Variants in MAP3K14 observed in about 807,000 individuals in gnomAD.
The protein encoded by MAP3K14 is mitogen-activated protein kinase kinase kinase 14.
A neutral mutation model predicts 99.2 loss-of-function variants in MAP3K14; 16 were observed. The observed-to-expected ratio is 0.16, with a 90% confidence interval of 0.11 to 0.24. The LOEUF is 0.24. Ranked by LOEUF, MAP3K14 falls within the 10% of genes least tolerant of loss-of-function variation. The pLI is 1.00. For synonymous variants in MAP3K14, 462 were observed against 492.4 expected (o/e 0.94, Z 0.82); for missense variants, 784 against 1,208.7 (o/e 0.65, Z 5.21).
Position 45,263,931 on chromosome 17 carries a change from G to C in MAP3K14, c.*705C>G, listed in dbSNP as rs1186677401. The C allele has an allele frequency of 6.6e-6, 1 of 152,380 alleles. No homozygotes were observed. The highest frequency in any genetic ancestry group is 1.9e-4 in the East Asian group (1 of 5,210). 9.4% of individuals were successfully genotyped at this position (152,380 alleles called of 1,614,324 possible). A position where few individuals can be genotyped will look rare whatever the true frequency, so the allele number is the denominator to read the frequency against. ...GGAAGAGTGGTAGCCAGCAGCAAAG[G>C]GGCACATGTCTGGGGACTGAGAACC... is the stretch of plus-strand genomic sequence containing the variant. On this transcript the variant is annotated 3_prime_UTR_variant, in exon 16 of 16. Transcript: ENST00000344686.
At chr17:45,300,646 C>T (rs2044380225) in intron 1 of MAP3K14, among the ~76,000 whole-genome samples, 2 of 152,264 alleles carry the variant, frequency 1.3e-5, no homozygotes, top group South Asian at 4.1e-4. Context: ...GTACAACGGC[C>T]TCCTTTTCTG....
At chr17:45,312,823 A>G (rs2044493001) in intron 1 of MAP3K14, among the ~76,000 whole-genome samples, 1 of 152,204 alleles carries the variant, frequency 6.6e-6, no homozygotes, top group East Asian at 1.9e-4. Flanking sequence ...AAGGGTGGTG[A>G]GCTGGGGATG....
At chr17:45,274,672 G>A (rs1276604592) in intron 6 of MAP3K14, 79 bp from the exon 7 acceptor site, 2 of 1,532,290 alleles carry the variant, frequency 1.3e-6, no homozygotes, top group African/African-American at 1.4e-5. Flanking sequence ...CAGCACCCTA[G>A]TGCTCCACAC....
chr17:45,270,604 A>T (rs780133764), intron 10 of MAP3K14, 41 bp from the exon 11 acceptor site: 1 of 1,506,760 alleles, frequency 6.6e-7, no homozygotes, highest in Non-Finnish European at 8.8e-7. Context: ...GCCTTCCCTC[A>T]TTTCCTGATA....
intron 6 of MAP3K14, among the ~76,000 whole-genome samples, chr17:45,276,385 C>T (rs768365348): frequency 6.6e-6 from 1 of 152,190 alleles, no homozygotes; most frequent in Non-Finnish European, 1.5e-5. Context: ...GGTATCTGCT[C>T]CTGGGTAGAG....
In MAP3K14 at chr17:45,264,477, C is replaced by T; in HGVS notation, c.*159G>A. 1 of 856,616 alleles carries T rather than the reference C, an allele frequency of 1.2e-6. No individual in the cohort carries two copies. Among genetic ancestry groups the T allele is most frequent in the Non-Finnish European group, 1.7e-6 (1 of 577,936 alleles). The allele number at this position is 856,616 out of a possible 1,614,324, so 53.1% of individuals were successfully genotyped here. ...CAGGTGTGAAATCCTGGGAGGCATT[C>T]TGCTTGCCCCCACCTTGCTGCTGCG... On this transcript the variant is annotated 3_prime_UTR_variant, in exon 16 of 16. Transcript: ENST00000344686.
chr17:45,300,470 T>A (rs147749763), intron 1 of MAP3K14, among the ~76,000 whole-genome samples: 273 of 152,324 alleles, frequency 1.8e-3, no homozygotes, highest in African/African-American at 6.0e-3. Context: ...TCCCCAAACA[T>A]AGGGTTTGGC....
chr17:45,310,983 G>A (rs1011985596), intron 1 of MAP3K14, among the ~76,000 whole-genome samples: 7 of 152,198 alleles, frequency 4.6e-5, no homozygotes, highest in Admixed American at 2.0e-4. Flanking sequence ...ATAGGGTTGT[G>A]GTAGGGGAAT....
Position 45,265,276 on chromosome 17 carries a change from C to G in MAP3K14, c.2579-13G>C. 6.3e-7 allele frequency: 1 copy of G among 1,578,648 alleles called. No individual in the cohort carries two copies. ...TGGACTTTCACACCTAGAAGGCGGA[C>G]AAGGTGATAGTCAGGAGAGCGGCTG... On this transcript the variant is annotated splice_polypyrimidine_tract_variant and intron_variant, in intron 14 of 15. Transcript: ENST00000344686.
At chr17:45,304,708 A>G (rs1199111421) in intron 1 of MAP3K14, among the ~76,000 whole-genome samples, 2 of 152,240 alleles carry the variant, frequency 1.3e-5, no homozygotes, top group Non-Finnish European at 2.9e-5. Context: ...AGGATCAGAA[A>G]GACCCTCAGA....
chr17:45,301,451 G>A (rs929976461), intron 1 of MAP3K14, among the ~76,000 whole-genome samples: 3 of 150,582 alleles, frequency 2.0e-5, no homozygotes, highest in Admixed American at 6.6e-5. Flanking sequence ...CAACAAGAGC[G>A]AAACTCCATC....
chr17:45,310,360 ACATCCT>A (rs1280006010), intron 1 of MAP3K14, among the ~76,000 whole-genome samples: 1 of 152,118 alleles, frequency 6.6e-6, no homozygotes, highest in Non-Finnish European at 1.5e-5. Flanking sequence ...ACTGGCAACC[ACATCCT>A]CATTGGAGGC....
In MAP3K14 at chr17:45,310,515, T is replaced by A. The variant is rs75935305; in HGVS notation, c.-21+6445A>T. Reference sequence around the variant, plus strand: ...GGTGGTAGATTTTGGCTACAATAATTCTTTGCACTTACAGGGGCCACCATC... The same window carrying A: ...GGTGGTAGATTTTGGCTACAATAATACTTTGCACTTACAGGGGCCACCATC... On this transcript the variant is annotated intron_variant, in intron 1 of 15. Coordinates refer to ENST00000344686, the MANE Select transcript of MAP3K14 (RefSeq NM_003954.5). Among the ~76,000 whole-genome samples, 68 of 152,238 alleles carry A rather than the reference T, an allele frequency of 4.5e-4. 2 individuals carry two copies. In the East Asian group the frequency reaches 0.012, roughly 26 times the overall value.
intron 6 of MAP3K14, among the ~76,000 whole-genome samples, chr17:45,275,919 G>A (rs2044176854): frequency 6.6e-6 from 1 of 151,848 alleles, no homozygotes; most frequent in Non-Finnish European, 1.5e-5. Context: ...GCGCCACCAG[G>A]CCCAGATAAT....
chr17:45,269,184 A>C (rs2044123197), intron 11 of MAP3K14, among the ~76,000 whole-genome samples: 1 of 151,616 alleles, frequency 6.6e-6, no homozygotes, highest in African/African-American at 2.4e-5. Context: ...CTAATTTTTA[A>C]ATTTTTTTGC....
At chr17:45,270,905 T>C in intron 10 of MAP3K14, 153 bp downstream of exon 10, 2 of 1,101,280 alleles carry the variant, frequency 1.8e-6, no homozygotes, top group South Asian at 2.7e-5. Context: ...TACCCCCAGA[T>C]TTGGGTGGCA....
chr17:45,283,052 A>G lies in MAP3K14; in HGVS notation c.1290+1760T>C, dbSNP rs549681871. On this transcript the variant is annotated intron_variant, in intron 6 of 15. Coordinates refer to ENST00000344686, the MANE Select transcript of MAP3K14 (RefSeq NM_003954.5). Reference sequence around the variant, plus strand: ...CTTGGAGCTTTTCCAACTGCCTTGCAGTGGATGCGAGGGGCGAGACATGGA... The same window carrying G: ...CTTGGAGCTTTTCCAACTGCCTTGCGGTGGATGCGAGGGGCGAGACATGGA... Among the ~76,000 whole-genome samples the G allele has an allele frequency of 2.0e-5, 3 of 152,346 alleles. No individual in the cohort carries two copies. The East Asian group carries it at 5.8e-4, about 29-fold the overall frequency.
chr17:45,264,926 G>A, intron 15 of MAP3K14, 126 bp from the exon 16 acceptor site: 3 of 1,065,206 alleles, frequency 2.8e-6, no homozygotes, highest in South Asian at 1.6e-5. Flanking sequence ...TCATTCCACG[G>A]GACTCAGAGA....
At chr17:45,291,587 G>A (rs954769102) in intron 1 of MAP3K14, among the ~76,000 whole-genome samples, 2 of 152,188 alleles carry the variant, frequency 1.3e-5, no homozygotes, top group Non-Finnish European at 2.9e-5. Flanking sequence ...GTCTTGCCCA[G>A]CCCTAGGAAG....
Sources: gnomAD v4.1 joint callset for allele counts (sites outside exome capture counted in the v4.1 genomes callset) on GRCh38, gnomAD v4.1.1 for gene constraint, MANE v1.5 for transcripts, NCBI Gene and HGNC (gene_info 2026-07-23, HGNC 2026-07-21) for gene names.